The following XKR4 variants were observed in gnomAD, a reference collection of about 807,000 sequenced individuals.
XKR4 encodes XK-related protein 4.
XKR4 carries 12 observed loss-of-function variants against 53.9 expected under a neutral mutation model. The observed-to-expected ratio is 0.22, with a 90% CI of 0.14 to 0.36. The LOEUF is 0.36. Ranked by LOEUF, XKR4 falls within the 10% of genes least tolerant of loss-of-function variation. The pLI, the probability that XKR4 is intolerant of heterozygous loss-of-function variation, is 1.00. For synonymous variants in XKR4, 354 were observed against 362.4 expected (o/e 0.98, Z 0.26); for missense variants, 799 against 859.5 (o/e 0.93, Z 0.88).
In XKR4 at chr8:55,226,930, C is replaced by A. The variant is rs1817961072; in HGVS notation, c.806+123636C>A. Among the ~76,000 whole-genome samples, 4 of 152,280 alleles carry A rather than the reference C, an allele frequency of 2.6e-5. 1 individual carries two copies. The highest frequency in any genetic ancestry group is 2.9e-5 in the Non-Finnish European group (2 of 68,020). On this transcript the variant is annotated intron_variant, in intron 1 of 2. Transcript: ENST00000327381. ...GGAGCCTGAGCAAAATATGCGAGGACCTTGATCAGCTTGCCCTTCCTATCT... is the reference window on the plus strand; with the variant it reads ...GGAGCCTGAGCAAAATATGCGAGGAACTTGATCAGCTTGCCCTTCCTATCT...
intron 1 of XKR4, among the ~76,000 whole-genome samples, chr8:55,271,406 C>T (rs536363551): frequency 6.6e-6 from 1 of 152,288 alleles, no homozygotes; most frequent in South Asian, 2.1e-4. Flanking sequence ...TCTTTAACTA[C>T]TTGTTTTGTT....
intron 1 of XKR4, among the ~76,000 whole-genome samples, chr8:55,258,869 C>T (rs1056953061): frequency 1.2e-4 from 18 of 152,076 alleles, no homozygotes; most frequent in Admixed American, 2.0e-4. Flanking sequence ...GTGCAGCCAC[C>T]GGGGAGTTGG....
At chr8:55,336,864 T>A (rs1563327128) in intron 1 of XKR4, among the ~76,000 whole-genome samples, 1 of 152,182 alleles carries the variant, frequency 6.6e-6, no homozygotes, top group Admixed American at 6.5e-5. Flanking sequence ...ACTAGCCTAG[T>A]GGTGTGCATG....
At chr8:55,306,980 C>T (rs902038736) in intron 1 of XKR4, among the ~76,000 whole-genome samples, 2 of 148,670 alleles carry the variant, frequency 1.3e-5, no homozygotes, top group African/African-American at 2.5e-5. Context: ...CACACCTATA[C>T]ACAAATTAGA....
chr8:55,107,736 A>G (rs1816169546), intron 1 of XKR4, among the ~76,000 whole-genome samples: 1 of 152,180 alleles, frequency 6.6e-6, no homozygotes, highest in Non-Finnish European at 1.5e-5. Flanking sequence ...TATAGGTTAC[A>G]CCTTTGACTA....
chr8:55,540,716 T>C lies in XKR4; in HGVS notation c.*16489T>C, dbSNP rs1807089896. 2 of 152,260 alleles carry C rather than the reference T, an allele frequency of 1.3e-5. No homozygotes were observed. Among genetic ancestry groups the C allele is most frequent in the South Asian group, 4.1e-4 (2 of 4,834 alleles). The allele number at this position is 152,260 out of a possible 1,614,324, so 9.4% of individuals were successfully genotyped here. On this transcript the variant is annotated 3_prime_UTR_variant, in exon 3 of 3. Coordinates refer to ENST00000327381, the MANE Select transcript of XKR4 (RefSeq NM_052898.2). ...ATTTAGGGCTATGACAAAAATGTTGTTAAAGCAAGAGCAAAATCATCCTTC... is the reference window on the plus strand; with the variant it reads ...ATTTAGGGCTATGACAAAAATGTTGCTAAAGCAAGAGCAAAATCATCCTTC...
chr8:55,330,280 A>G (rs1255991030), intron 1 of XKR4, among the ~76,000 whole-genome samples: 1 of 152,206 alleles, frequency 6.6e-6, no homozygotes, highest in Non-Finnish European at 1.5e-5. Flanking sequence ...GCCACTTACT[A>G]GGTAGGGGAC....
chr8:55,478,093 C>T (rs1242945730), intron 2 of XKR4, among the ~76,000 whole-genome samples: 2 of 152,008 alleles, frequency 1.3e-5, no homozygotes, highest in East Asian at 1.9e-4. Context: ...AACTCCAAGA[C>T]ACATAATTGT....
At chr8:55,138,186 G>T (rs957193441) in intron 1 of XKR4, among the ~76,000 whole-genome samples, 36 of 152,084 alleles carry the variant, frequency 2.4e-4, no homozygotes, top group African/African-American at 8.7e-4. Context: ...TTCTCAGGCT[G>T]TCTCACCAGT....
chr8:55,330,507 TA>T (rs1319220944), intron 1 of XKR4, among the ~76,000 whole-genome samples: 4 of 151,388 alleles, frequency 2.6e-5, no homozygotes, highest in Non-Finnish European at 4.4e-5. Flanking sequence ...GCTGTTTTAT[TA>T]AAAAAAAATA....
intron 1 of XKR4, among the ~76,000 whole-genome samples, chr8:55,137,168 T>C (rs1424017320): frequency 6.6e-6 from 1 of 151,806 alleles, no homozygotes; most frequent in African/African-American, 2.4e-5. Flanking sequence ...AATAATCTGC[T>C]AGAAAAAAGG....
intron 2 of XKR4, among the ~76,000 whole-genome samples, chr8:55,476,558 G>T (rs1172084786): frequency 3.1e-5 from 2 of 65,112 alleles, no homozygotes; most frequent in Non-Finnish European, 5.8e-5. Flanking sequence ...CAGACAGTGG[G>T]TGCAGCACAC....
At chr8:55,514,876 T>C (rs963091220) in intron 2 of XKR4, among the ~76,000 whole-genome samples, 1 of 152,154 alleles carries the variant, frequency 6.6e-6, no homozygotes, top group Non-Finnish European at 1.5e-5. Flanking sequence ...TTACAGAATT[T>C]TTTTCTCAGA....
At chr8:55,266,117 C>T (rs976408772) in intron 1 of XKR4, among the ~76,000 whole-genome samples, 1 of 151,888 alleles carries the variant, frequency 6.6e-6, no homozygotes, top group African/African-American at 2.4e-5. Flanking sequence ...ATGATTGTGT[C>T]ACTGCACTCC....
chr8:55,129,467 A>T (rs1816523713), intron 1 of XKR4, among the ~76,000 whole-genome samples: 1 of 152,190 alleles, frequency 6.6e-6, no homozygotes, highest in Non-Finnish European at 1.5e-5. Flanking sequence ...ACTAACCTGC[A>T]ATAGTTTGAC....
intron 1 of XKR4, among the ~76,000 whole-genome samples, chr8:55,146,481 A>G (rs555735347): frequency 2.0e-5 from 3 of 152,388 alleles, no homozygotes; most frequent in South Asian, 4.1e-4. Context: ...CTGCAGTGAT[A>G]GAACTGATCT....
chr8:55,148,409 A>ATAT, intron 1 of XKR4, among the ~76,000 whole-genome samples: 1 of 150,146 alleles, frequency 6.7e-6, no homozygotes, highest in Admixed American at 6.6e-5. Flanking sequence ...TGTCTAAAAA[A>ATAT]AAATATATAT....
chr8:55,451,802 A>T, intron 2 of XKR4: 1 of 1,008,162 alleles, frequency 9.9e-7, no homozygotes, highest in Non-Finnish European at 1.5e-6. Context: ...TAGTCGCGGC[A>T]GCAAGCCCTT....
At chr8:55,226,103 A>G (rs1409336434) in intron 1 of XKR4, among the ~76,000 whole-genome samples, 1 of 152,170 alleles carries the variant, frequency 6.6e-6, no homozygotes, top group Admixed American at 6.5e-5. Flanking sequence ...AAAAGAAAAA[A>G]TCCTTCAAAA....
Sources: gnomAD v4.1 joint callset for allele counts (sites outside exome capture counted in the v4.1 genomes callset) on GRCh38, gnomAD v4.1.1 for gene constraint, MANE v1.5 for transcripts, NCBI Gene and HGNC (gene_info 2026-07-23, HGNC 2026-07-21) for gene names.